The following RPH3A variants were observed in gnomAD, a reference collection of about 807,000 sequenced individuals.
The protein encoded by RPH3A is rabphilin 3A, also known as rabphilin-3A.
Under a neutral mutation model 102.2 loss-of-function variants are expected in RPH3A, and 48 were observed. That is an observed-to-expected ratio of 0.47 (90% CI 0.37 to 0.60). RPH3A has a LOEUF of 0.60. Ranked by LOEUF, RPH3A falls within the 20% of genes least tolerant of loss-of-function variation. The probability of loss-of-function intolerance (pLI) is 0.00; values close to 1 mark genes in which losing one functional copy is unlikely to be tolerated. For synonymous variants in RPH3A, 310 were observed against 324.3 expected (o/e 0.96, Z 0.47); for missense variants, 781 against 910.1 (o/e 0.86, Z 1.83).
chr12:112,793,052 G>T (rs993847876), intron 2 of RPH3A, among the ~76,000 whole-genome samples: 9 of 152,166 alleles, frequency 5.9e-5, no homozygotes, highest in Non-Finnish European at 1.2e-4. Context: ...TTCAAATTCT[G>T]GGGAAAGATT....
intron 1 of RPH3A, among the ~76,000 whole-genome samples, chr12:112,674,042 A>T (rs994300546): frequency 2.6e-5 from 4 of 152,116 alleles, no homozygotes; most frequent in Admixed American, 2.0e-4. Flanking sequence ...TACAGGTGTG[A>T]GGCACAGCAC....
intron 1 of RPH3A, among the ~76,000 whole-genome samples, chr12:112,715,030 T>G (rs1469616742): frequency 1.3e-5 from 2 of 152,254 alleles, no homozygotes; most frequent in Non-Finnish European, 2.9e-5. Flanking sequence ...ATATCTAATC[T>G]ACACCGATTT....
At chr12:112,595,755 TGCATATGTG>T (rs1488570877) in intron 1 of RPH3A, among the ~76,000 whole-genome samples, 1 of 152,220 alleles carries the variant, frequency 6.6e-6, no homozygotes, top group African/African-American at 2.4e-5. Context: ...ATACTCTTAG[TGCATATGTG>T]GCATCATCAT....
intron 1 of RPH3A, among the ~76,000 whole-genome samples, chr12:112,786,180 C>T (rs942847418): frequency 6.6e-6 from 1 of 152,014 alleles, no homozygotes; most frequent in African/African-American, 2.4e-5. Flanking sequence ...CAGAGCCTTG[C>T]CTGGTAACGT....
intron 1 of RPH3A, among the ~76,000 whole-genome samples, chr12:112,667,362 C>T (rs2040091146): frequency 6.6e-6 from 1 of 152,100 alleles, no homozygotes. Context: ...TCAAAAGTTG[C>T]CTTTAATTCT....
chr12:112,840,424 T>C (rs1163925119), intron 4 of RPH3A, among the ~76,000 whole-genome samples: 1 of 152,192 alleles, frequency 6.6e-6, no homozygotes, highest in African/African-American at 2.4e-5. Flanking sequence ...TATTAGATCT[T>C]ATTCCTTCTA....
intron 5 of RPH3A, among the ~76,000 whole-genome samples, chr12:112,848,755 G>A (rs2042273615): frequency 6.6e-6 from 1 of 152,094 alleles, no homozygotes; most frequent in Non-Finnish European, 1.5e-5. Flanking sequence ...CAAAATCAAT[G>A]AGCAGGGACA....
chr12:112,843,264 C>T (rs2042175883), intron 4 of RPH3A, among the ~76,000 whole-genome samples: 1 of 152,212 alleles, frequency 6.6e-6, no homozygotes, highest in African/African-American at 2.4e-5. Flanking sequence ...GTCTGAAAAA[C>T]TGATCTTGTT....
chr12:112,766,765 G>A (rs542027152), intron 1 of RPH3A, among the ~76,000 whole-genome samples: 117 of 152,284 alleles, frequency 7.7e-4, no homozygotes, highest in African/African-American at 2.8e-3. Context: ...ATGATAAAGG[G>A]ATCCAAGGGG....
intron 4 of RPH3A, among the ~76,000 whole-genome samples, chr12:112,843,365 G>A (rs1019282193): frequency 3.3e-5 from 5 of 152,158 alleles, no homozygotes; most frequent in Non-Finnish European, 7.4e-5. Context: ...TTTCAAACAC[G>A]ATGAGCTGTT....
chr12:112,748,342 GT>G (rs796272723), intron 1 of RPH3A, among the ~76,000 whole-genome samples: 2 of 150,814 alleles, frequency 1.3e-5, no homozygotes, highest in East Asian at 1.9e-4. Flanking sequence ...CTCCCCCACT[GT>G]TTTTTTTTGA....
chr12:112,859,203 T>C (rs1593092491), intron 5 of RPH3A, among the ~76,000 whole-genome samples: 1 of 152,302 alleles, frequency 6.6e-6, no homozygotes, highest in Middle Eastern at 3.4e-3. Flanking sequence ...AATGTTTCTG[T>C]CTCAGGATCT....
At chr12:112,677,813 A>G (rs2040192466) in intron 1 of RPH3A, among the ~76,000 whole-genome samples, 2 of 152,092 alleles carry the variant, frequency 1.3e-5, no homozygotes, top group Admixed American at 1.3e-4. Context: ...TAATTCAGCA[A>G]ACTCTAGAAT....
chr12:112,870,327 A>C (rs537141411), intron 10 of RPH3A, among the ~76,000 whole-genome samples: 2 of 151,846 alleles, frequency 1.3e-5, no homozygotes, highest in East Asian at 3.9e-4. Flanking sequence ...AAAAAAAAAA[A>C]AACCCTGGGG....
At chr12:112,606,064 A>G (rs770033644) in intron 1 of RPH3A, among the ~76,000 whole-genome samples, 2 of 152,166 alleles carry the variant, frequency 1.3e-5, no homozygotes, top group Non-Finnish European at 2.9e-5. Flanking sequence ...GCAGCCACTT[A>G]TCTATGTATC....
At chr12:112,787,737 A>G (rs2041061204), upstream of RPH3A, among the ~76,000 whole-genome samples, 1 of 152,222 alleles carries the variant, frequency 6.6e-6, no homozygotes, top group South Asian at 2.1e-4. Context: ...TGAAACCATT[A>G]TCATCCTGAA....
chr12:112,706,888 C>T (rs2136032413), intron 1 of RPH3A, among the ~76,000 whole-genome samples: 1 of 152,230 alleles, frequency 6.6e-6, no homozygotes, highest in South Asian at 2.1e-4. Context: ...GAGCACACAA[C>T]TTACAGAGGA....
At chr12:112,621,794 A>G (rs2039729330) in intron 1 of RPH3A, among the ~76,000 whole-genome samples, 2 of 151,784 alleles carry the variant, frequency 1.3e-5, no homozygotes, top group Admixed American at 1.3e-4. Context: ...ACCTCTGCAG[A>G]CTTAAATGTC....
chr12:112,747,947 CAT>C (rs1222033992), intron 1 of RPH3A, among the ~76,000 whole-genome samples: 1 of 152,192 alleles, frequency 6.6e-6, no homozygotes, highest in East Asian at 1.9e-4. Flanking sequence ...GGTTAAAGAG[CAT>C]AGAGAAGCAG....
Sources: allele counts gnomAD v4.1 joint callset (sites outside exome capture counted in the v4.1 genomes callset), GRCh38; gene constraint gnomAD v4.1.1; transcripts MANE v1.5; gene names NCBI Gene and HGNC (gene_info 2026-07-23, HGNC 2026-07-21).